The following ZNF208 variants were observed in gnomAD, a reference collection of about 807,000 sequenced individuals.
ZNF208 encodes the protein zinc finger protein 208.
In ZNF208, 10 loss-of-function variants were observed where a neutral mutation model predicts 12.1. The observed-to-expected ratio is 0.83, with a 90% CI of 0.51 to 1.40. The LOEUF (loss-of-function observed/expected upper bound fraction) is 1.40, where lower values mean the gene tolerates loss of function less well. ZNF208 is among the 40% of genes most tolerant of loss of function. ZNF208 has a pLI of 0.00. For synonymous variants in ZNF208, 497 were observed against 488.4 expected, an observed-to-expected ratio of 1.02 and a Z score of -0.23; for missense variants, 1,652 against 1,485.0, an observed-to-expected ratio of 1.11 and a Z score of -1.85.
downstream of ZNF208, among the ~76,000 whole-genome samples, chr19:21,965,368 C>G (rs1970145721): frequency 6.6e-6 from 1 of 151,944 alleles, no homozygotes; most frequent in South Asian, 2.1e-4. Context: ...TACTTGCTGC[C>G]TTTTCATTTC....
intron 4 of ZNF208, among the ~76,000 whole-genome samples, chr19:21,953,315 TC>T (rs1969921397): frequency 6.6e-6 from 1 of 151,920 alleles, no homozygotes; most frequent in South Asian, 2.1e-4. Context: ...ATACAGAGAA[TC>T]CCACAAAGAT....
chr19:21,941,510 T>A, intron 4 of ZNF208: 1 of 397,444 alleles, frequency 2.5e-6, no homozygotes, highest in Non-Finnish European at 4.4e-6. Context: ...ATAAAGGTGA[T>A]TCTCAACACA....
At chr19:21,955,156 G>C (rs747542994) in intron 4 of ZNF208, among the ~76,000 whole-genome samples, 1 of 152,158 alleles carries the variant, frequency 6.6e-6, no homozygotes, top group Non-Finnish European at 1.5e-5. Context: ...GTTGAATATT[G>C]GCCCCCATTC....
intron 1 of ZNF208, among the ~76,000 whole-genome samples, chr19:22,007,495 ACT>A (rs1971065610): frequency 1.8e-5 from 2 of 113,290 alleles, no homozygotes; most frequent in Admixed American, 1.0e-4. Context: ...ACAGAGCAAG[ACT>A]CTGTCTCCAA....
At chr19:22,003,011 A>G (rs138443002) in intron 1 of ZNF208, among the ~76,000 whole-genome samples, 577 of 152,276 alleles carry the variant, frequency 3.8e-3, no homozygotes, top group Middle Eastern at 0.017. Context: ...TCATAGGTCA[A>G]TGCAACAGAA....
At chr19:21,987,914 C>A (rs1173306034) in intron 2 of ZNF208, among the ~76,000 whole-genome samples, 1 of 152,088 alleles carries the variant, frequency 6.6e-6, no homozygotes, top group Admixed American at 6.5e-5. Context: ...TGCAACTGGT[C>A]CCCTGGCACC....
At chr19:21,960,380 AAAG>A (rs1477415856) in intron 4 of ZNF208, among the ~76,000 whole-genome samples, 3 of 152,124 alleles carry the variant, frequency 2.0e-5, no homozygotes, top group Non-Finnish European at 4.4e-5. Flanking sequence ...AGAAATAAAA[AAAG>A]AGATACATAA....
At chr19:21,985,475 C>G (rs1165384196) in intron 3 of ZNF208, among the ~76,000 whole-genome samples, 4 of 152,124 alleles carry the variant, frequency 2.6e-5, no homozygotes, top group Non-Finnish European at 2.9e-5. Context: ...TTGCTAAAGC[C>G]CAAGATTGAG....
intron 4 of ZNF208, among the ~76,000 whole-genome samples, chr19:21,950,412 A>G (rs1969871599): frequency 6.6e-6 from 1 of 152,008 alleles, no homozygotes; most frequent in African/African-American, 2.4e-5. Flanking sequence ...TAAAAGTAAT[A>G]AGTTCCTCTC....
chr19:22,004,520 A>C (rs138861956), intron 1 of ZNF208, among the ~76,000 whole-genome samples: 26 of 152,216 alleles, frequency 1.7e-4, no homozygotes, highest in African/African-American at 4.6e-4. Context: ...CTCAAACCAA[A>C]CAAACAAACA....
chr19:22,005,012 T>C (rs1394514060), intron 1 of ZNF208, among the ~76,000 whole-genome samples: 4 of 152,238 alleles, frequency 2.6e-5, no homozygotes, highest in Non-Finnish European at 4.4e-5. Flanking sequence ...GGTGGGGCTG[T>C]ACTCTGATTT....
At chr19:21,959,526 C>CACAT (rs1970030172) in intron 4 of ZNF208, among the ~76,000 whole-genome samples, 2 of 152,190 alleles carry the variant, frequency 1.3e-5, no homozygotes, top group African/African-American at 4.8e-5. Flanking sequence ...TGTGAATAGA[C>CACAT]TGACACTGGA....
chr19:21,979,500 A>C (rs546939874), intron 3 of ZNF208, among the ~76,000 whole-genome samples: 1 of 152,358 alleles, frequency 6.6e-6, no homozygotes, highest in East Asian at 1.9e-4. Context: ...TGAAGGAGAA[A>C]TAAAATCCTT....
intron 1 of ZNF208, among the ~76,000 whole-genome samples, chr19:22,007,192 A>T (rs1354589188): frequency 6.6e-6 from 1 of 152,090 alleles, no homozygotes; most frequent in Non-Finnish European, 1.5e-5. Context: ...TAAAAGCTAG[A>T]TGGAATTCTA....
chr19:21,947,602 ACT>A (rs1046295835), intron 4 of ZNF208, among the ~76,000 whole-genome samples: 1 of 152,110 alleles, frequency 6.6e-6, no homozygotes, highest in Non-Finnish European at 1.5e-5. Context: ...AAACAGAAAA[ACT>A]CAACTTTCAA....
At chr19:21,987,062 C>T in intron 3 of ZNF208, 154 bp downstream of exon 3, 1 of 687,930 alleles carries the variant, frequency 1.5e-6, no homozygotes, top group Non-Finnish European at 2.3e-6. Context: ...CCGAAGATGC[C>T]CCTGTGTGAG....
intron 4 of ZNF208, among the ~76,000 whole-genome samples, chr19:21,953,147 A>C (rs982071792): frequency 2.0e-5 from 3 of 152,222 alleles, no homozygotes; most frequent in African/African-American, 7.2e-5. Context: ...CAAAGCCTCC[A>C]AGAACTGTGG....
chr19:21,961,332 C>G (rs150174022), downstream of ZNF208, among the ~76,000 whole-genome samples: 138 of 152,148 alleles, frequency 9.1e-4, no homozygotes, highest in African/African-American at 3.2e-3. Context: ...GAGTACATCA[C>G]AAAGATCACA....
chr19:22,002,762 T>C (rs769859491), intron 1 of ZNF208, among the ~76,000 whole-genome samples: 7 of 152,230 alleles, frequency 4.6e-5, no homozygotes, highest in Non-Finnish European at 1.0e-4. Flanking sequence ...ATAAAAATGG[T>C]CATACTGCTT....
Sources: gnomAD v4.1 joint callset for allele counts (sites outside exome capture counted in the v4.1 genomes callset) on GRCh38, gnomAD v4.1.1 for gene constraint, MANE v1.5 for transcripts, NCBI Gene and HGNC (gene_info 2026-07-23, HGNC 2026-07-21) for gene names.